Variants in UBE2S observed in about 807,000 individuals in gnomAD.
The protein encoded by UBE2S is ubiquitin conjugating enzyme E2 S.
Under a neutral mutation model 12.3 loss-of-function variants are expected in UBE2S, and 3 were observed. That is an observed-to-expected ratio of 0.24 (90% CI 0.11 to 0.63). The LOEUF is 0.63. Ranked by LOEUF, UBE2S falls within the 30% of genes least tolerant of loss-of-function variation. The pLI is 0.85. For synonymous variants in UBE2S, 133 were observed against 142.0 expected (o/e 0.94, Z 0.45); for missense variants, 211 against 313.9 (o/e 0.67, Z 2.48).
chr19:55,407,573 T>C lies in UBE2S; in HGVS notation c.3+14A>G. 1.3e-6 allele frequency: 2 copies of C among 1,494,986 alleles called. No individual in the cohort carries two copies. Among genetic ancestry groups the C allele is most frequent in the Non-Finnish European group, 1.8e-6 (2 of 1,127,432 alleles). The allele number at this position is 1,494,986 out of a possible 1,614,324, so 92.6% of individuals were successfully genotyped here. Reference sequence around the variant, plus strand: ...CCCCCGACCACCTTCATGGGCCTCATCGCCCGTGCTCACCATGGCTGCGGC... The same window carrying C: ...CCCCCGACCACCTTCATGGGCCTCACCGCCCGTGCTCACCATGGCTGCGGC... On this transcript the variant is annotated intron_variant, in intron 1 of 3. Coordinates refer to ENST00000264552, the MANE Select transcript of UBE2S (RefSeq NM_014501.3).
chr19:55,401,357 A>C lies in UBE2S; in HGVS notation c.*79T>G. ...TGTACCCTCCCCGACCCCAGCCATA[A>C]TTTAAATAACTTAGAGACAGAGTTG... On this transcript the variant is annotated 3_prime_UTR_variant, in exon 4 of 4. Transcript: ENST00000264552. 9.7e-7 allele frequency: 1 copy of C among 1,036,086 alleles called. No individual in the cohort carries two copies. The highest frequency in any genetic ancestry group is 1.4e-6 in the Non-Finnish European group (1 of 722,896). The allele number at this position is 1,036,086 out of a possible 1,614,324, so 64.2% of individuals were successfully genotyped here. A position where few individuals can be genotyped will look rare whatever the true frequency, so the allele number is the denominator to read the frequency against.
chr19:55,405,869 C>T (rs779030247), intron 2 of UBE2S, among the ~76,000 whole-genome samples: 6 of 152,174 alleles, frequency 3.9e-5, no homozygotes, highest in East Asian at 1.9e-4. Context: ...GCCTGAGCAC[C>T]GGCCTGCTAG....
At chr19:55,401,838 T>G (rs909153430) in intron 3 of UBE2S, 76 bp from the exon 4 acceptor site, 2 of 1,504,280 alleles carry the variant, frequency 1.3e-6, no homozygotes, top group African/African-American at 2.7e-5. Flanking sequence ...GAGGGTGGCC[T>G]CCGCACTGGC....
chr19:55,407,195 A>AAC (rs2090101920), intron 1 of UBE2S, among the ~76,000 whole-genome samples: 1 of 115,344 alleles, frequency 8.7e-6, no homozygotes, highest in African/African-American at 3.5e-5. Context: ...CCACCCCAGA[A>AAC]CCCCCCCCCC....
In UBE2S at chr19:55,407,500, G is replaced by A. The variant is rs904643330; in HGVS notation, c.3+87C>T. ...CCAGGCTGGCCCTCAAACCCCTCAA[G>A]GCCGCCCGTCGGAGGCCCCTGAGAC... On this transcript the variant is annotated intron_variant, in intron 1 of 3. Coordinates refer to ENST00000264552, the MANE Select transcript of UBE2S (RefSeq NM_014501.3). The A allele has an allele frequency of 4.1e-6, 6 of 1,447,034 alleles. No homozygotes were observed. The African/African-American group carries it at 8.9e-5, about 21-fold the overall frequency. The allele number at this position is 1,447,034 out of a possible 1,614,324, so 89.6% of individuals were successfully genotyped here.
chr19:55,406,676 C>T (rs2090097997), intron 2 of UBE2S, 139 bp downstream of exon 2: 5 of 997,256 alleles, frequency 5.0e-6, no homozygotes, highest in East Asian at 2.6e-5. Flanking sequence ...TCATTTGTGG[C>T]GTCCTGCCCT....
rs910257314 is a variant in UBE2S, at chr19:55,401,244, C to A, written c.*192G>T. 7 of 683,878 alleles carry A rather than the reference C, an allele frequency of 1.0e-5. No individual in the cohort carries two copies. The highest frequency in any genetic ancestry group is 8.2e-4 in the Middle Eastern group (2 of 2,452). 42.4% of individuals were successfully genotyped at this position (683,878 alleles called of 1,614,324 possible). A position where few individuals can be genotyped will look rare whatever the true frequency, so the allele number is the denominator to read the frequency against. On this transcript the variant is annotated 3_prime_UTR_variant, in exon 4 of 4. Transcript: ENST00000264552. ...GCCAAACTCCCAGAGCCACATGGCA[C>A]CATGCAGCGGTCCTGGGGCATCTGT...
Position 55,404,554 on chromosome 19 carries a change from C to T in UBE2S, c.152-76G>A. On this transcript the variant is annotated intron_variant, in intron 2 of 3. Transcript: ENST00000264552. This position sits in a 1 kb window ranked among gnomAD's most constrained non-coding sequence, Gnocchi z 4.4. ...ACCTCAACACCCCAAAGTCCAGTCT[C>T]CACGGTCTGATTGTGATGCAGGTGG... The T allele has an allele frequency of 3.0e-6, 4 of 1,355,714 alleles. No homozygotes were observed. Among genetic ancestry groups the T allele is most frequent in the Non-Finnish European group, 4.0e-6 (4 of 999,314 alleles). 84.0% of individuals were successfully genotyped at this position (1,355,714 alleles called of 1,614,324 possible).
rs2090045314 is a variant in UBE2S at position 55,399,952 on chromosome 19, C to CGAA, written c.*1483_*1484insTTC. The CGAA allele has an allele frequency of 6.6e-6, 1 of 152,168 alleles. No individual in the cohort carries two copies. The highest frequency in any genetic ancestry group is 2.4e-5 in the African/African-American group (1 of 41,442). The allele number at this position is 152,168 out of a possible 1,614,324, so 9.4% of individuals were successfully genotyped here. On this transcript the variant is annotated 3_prime_UTR_variant, in exon 4 of 4. Transcript: ENST00000264552. The stretch of plus-strand genomic sequence containing the variant: ...CTGAAGGGTTTCTTCCCTTGTCTTT[C>CGAA]CTTCGCTCCCTGCACTGCTAGAGGT...
chr19:55,405,494 G>A (rs2090091149), intron 2 of UBE2S, among the ~76,000 whole-genome samples: 2 of 152,032 alleles, frequency 1.3e-5, no homozygotes, highest in Non-Finnish European at 2.9e-5. Flanking sequence ...AGGCGACAGA[G>A]CAAGACTCCG....
intron 1 of UBE2S, 66 bp downstream of exon 1, chr19:55,407,521 G>A (rs1040325246): frequency 4.0e-6 from 6 of 1,511,632 alleles, no homozygotes; most frequent in South Asian, 1.2e-5. Flanking sequence ...GGAGGCCCCT[G>A]AGACTCCACC....
chr19:55,407,733 T>A lies in UBE2S; in HGVS notation c.-144A>T, dbSNP rs553108385. 8.2e-4 allele frequency: 462 copies of A among 564,624 alleles called. 1 individual carries two copies. The highest frequency in any genetic ancestry group is 1.1e-3 in the Middle Eastern group (2 of 1,772). 35.0% of individuals were successfully genotyped at this position (564,624 alleles called of 1,614,324 possible). ...GCTCCGCTCCCCGCTGCCTCCGACG[T>A]CCGCCGCGCACAGCGTAGACCAACC... On this transcript the variant is annotated 5_prime_UTR_variant, in exon 1 of 4. Coordinates refer to ENST00000264552, the MANE Select transcript of UBE2S (RefSeq NM_014501.3).
Position 55,406,911 on chromosome 19 carries a change from C to T in UBE2S, c.55G>A (p.Glu19Lys). The T allele has an allele frequency of 1.2e-6, 2 of 1,613,982 alleles. No homozygotes were observed. Among genetic ancestry groups the T allele is most frequent in the Non-Finnish European group, 8.5e-7 (1 of 1,179,930 alleles). ...GGGTCTGCGGTCAGTGTCGTCACCTCCTTGTACACCAGGCGGATGATGTGC... is the reference window on the plus strand; with the variant it reads ...GGGTCTGCGGTCAGTGTCGTCACCTTCTTGTACACCAGGCGGATGATGTGC... The part of the protein sequence containing the change: ...PPHIIRLVYK[E>K]VTTLTADPPD... The change falls in exon 2 of 4, where the codon GAG becomes AAG. Residue 19 changes from glutamate to lysine, a missense_variant. Around this residue, in one of 2 missense-constraint regions of UBE2S, gnomAD observed 127 missense variants for 224.0 expected, o/e 0.57. Transcript: ENST00000264552.
Position 55,404,181 on chromosome 19 carries a change from A to G in UBE2S, c.342+107T>C, listed in dbSNP as rs762699502. On this transcript the variant is annotated intron_variant, in intron 3 of 3. Coordinates refer to ENST00000264552, the MANE Select transcript of UBE2S (RefSeq NM_014501.3). This position sits in a 1 kb window ranked among gnomAD's most constrained non-coding sequence, Gnocchi z 4.4. ...ATGGATTTTTATGTGGAAACCTTCAACCACTTCAGAGTTGATTCAGAAAAA... is the reference window on the plus strand; with the variant it reads ...ATGGATTTTTATGTGGAAACCTTCAGCCACTTCAGAGTTGATTCAGAAAAA... 2.1e-6 allele frequency: 3 copies of G among 1,409,134 alleles called. No homozygotes were observed. The highest frequency in any genetic ancestry group is 2.4e-5 in the East Asian group (1 of 41,308). 87.3% of individuals were successfully genotyped at this position (1,409,134 alleles called of 1,614,324 possible).
At chr19:55,405,037 C>T (rs1322046152) in intron 2 of UBE2S, among the ~76,000 whole-genome samples, 1 of 151,188 alleles carries the variant, frequency 6.6e-6, no homozygotes, top group Non-Finnish European at 1.5e-5. Context: ...ATGGAGAAAC[C>T]CCGTCTCTAC....
In UBE2S at chr19:55,407,711, C is replaced by T. The variant is rs1282690662; in HGVS notation, c.-122G>A. 8 of 715,686 alleles carry T rather than the reference C, an allele frequency of 1.1e-5. No individual in the cohort carries two copies. The highest frequency in any genetic ancestry group is 3.7e-5 in the African/African-American group (2 of 53,768). 44.3% of individuals were successfully genotyped at this position (715,686 alleles called of 1,614,324 possible). ...CTGGAGAGGCCCCGGCGGCCCCGCT[C>T]CGCTCCCCGCTGCCTCCGACGTCCG... On this transcript the variant is annotated 5_prime_UTR_variant, in exon 1 of 4. Transcript: ENST00000264552.
intron 1 of UBE2S, 72 bp from the exon 2 acceptor site, chr19:55,407,034 A>G: frequency 1.3e-6 from 2 of 1,552,820 alleles, no homozygotes; most frequent in Admixed American, 3.6e-5. Flanking sequence ...AAAGATGCTG[A>G]GACTGCCCAA....
chr19:55,407,107 G>T, intron 1 of UBE2S, 145 bp from the exon 2 acceptor site: 1 of 1,013,758 alleles, frequency 9.9e-7, no homozygotes, highest in Non-Finnish European at 1.4e-6. Context: ...CACCCAGGAT[G>T]CTTCAGGCCA....
chr19:55,404,558 G>C lies in UBE2S; in HGVS notation c.152-80C>G. 1 of 1,325,414 alleles carries C rather than the reference G, an allele frequency of 7.5e-7. No individual in the cohort carries two copies. The highest frequency in any genetic ancestry group is 1.0e-6 in the Non-Finnish European group (1 of 976,264). The allele number at this position is 1,325,414 out of a possible 1,614,324, so 82.1% of individuals were successfully genotyped here. A position where few individuals can be genotyped will look rare whatever the true frequency, so the allele number is the denominator to read the frequency against. On this transcript the variant is annotated intron_variant, in intron 2 of 3. Coordinates refer to ENST00000264552, the MANE Select transcript of UBE2S (RefSeq NM_014501.3). This position sits in a 1 kb window ranked among gnomAD's most constrained non-coding sequence, Gnocchi z 4.4. Reference sequence around the variant, plus strand: ...CAACACCCCAAAGTCCAGTCTCCACGGTCTGATTGTGATGCAGGTGGGTGC... The same window carrying C: ...CAACACCCCAAAGTCCAGTCTCCACCGTCTGATTGTGATGCAGGTGGGTGC...
Sources: allele counts gnomAD v4.1 joint callset (sites outside exome capture counted in the v4.1 genomes callset), GRCh38; gene constraint gnomAD v4.1.1; regional missense constraint gnomAD v4.1.1; non-coding constraint Gnocchi (gnomAD v3.1); transcripts MANE v1.5; gene names NCBI Gene and HGNC (gene_info 2026-07-23, HGNC 2026-07-21).